BRCC3: variants seen among roughly 807,000 people sequenced by gnomAD.
The protein encoded by BRCC3 is lys-63-specific deubiquitinase BRCC36.
Under a neutral mutation model 28.0 loss-of-function variants are expected in BRCC3, and 15 were observed. The ratio of observed to expected loss-of-function variants is 0.54; its 90% CI spans 0.36 to 0.82. The LOEUF is 0.82. Ranked by LOEUF, BRCC3 falls within the 40% of genes least tolerant of loss-of-function variation. The pLI is 0.01. For missense variants in BRCC3, 109 were observed against 225.9 expected (o/e 0.48, Z 3.32); for synonymous variants, 66 against 80.3 (o/e 0.82, Z 0.95).
intron 7 of BRCC3, among the ~76,000 whole-genome samples, chrX:155,101,780 C>G (rs1003210805): frequency 4.5e-5 from 5 of 111,796 alleles, no homozygotes; most frequent in Non-Finnish European, 9.4e-5. Flanking sequence ...CATTATTTCT[C>G]CAAGGAGCCT....
intron 7 of BRCC3, among the ~76,000 whole-genome samples, chrX:155,104,548 A>C (rs1263313245): frequency 3.6e-5 from 4 of 112,137 alleles, no homozygotes; most frequent in Non-Finnish European, 7.5e-5. Context: ...AGTTCACTGG[A>C]GGGTCTGGAC....
intron 7 of BRCC3, among the ~76,000 whole-genome samples, chrX:155,100,128 G>C (rs2074237886): frequency 9.0e-6 from 1 of 110,983 alleles, no homozygotes; most frequent in Non-Finnish European, 1.9e-5. Context: ...TTGGTATTTT[G>C]TCACATTTCT....
intron 3 of BRCC3, among the ~76,000 whole-genome samples, 158 bp from the exon 4 acceptor site, chrX:155,077,012 T>C (rs2074049769): frequency 8.9e-6 from 1 of 112,373 alleles, no homozygotes; most frequent in Admixed American, 9.4e-5. Context: ...AGGTTGGGTG[T>C]CTTTTATTTG....
chrX:155,094,830 G>A (rs2074199398), intron 7 of BRCC3, among the ~76,000 whole-genome samples: 1 of 112,001 alleles, frequency 8.9e-6, no homozygotes, highest in African/African-American at 3.3e-5. Flanking sequence ...AAGACCCAGC[G>A]TGTCAACATA....
chrX:155,115,982 C>T, intron 7 of BRCC3, 75 bp from the exon 8 acceptor site: 2 of 1,027,306 alleles, frequency 1.9e-6, no homozygotes, highest in Non-Finnish European at 1.3e-6. Flanking sequence ...CCCAAACTTC[C>T]AATTAAAACT....
intron 5 of BRCC3, among the ~76,000 whole-genome samples, chrX:155,084,463 C>T (rs868938883): frequency 9.0e-6 from 1 of 111,251 alleles, no homozygotes. Flanking sequence ...CCCAGGTTCG[C>T]GCCATTCTCC....
chrX:155,075,291 C>CT (rs1557293383), intron 3 of BRCC3, among the ~76,000 whole-genome samples: 56 of 105,280 alleles, frequency 5.3e-4, no homozygotes, highest in African/African-American at 1.9e-3. Flanking sequence ...CCCACTCTTT[C>CT]CCCTGGCCCT....
intron 7 of BRCC3, among the ~76,000 whole-genome samples, chrX:155,104,283 A>T (rs919824567): frequency 3.6e-5 from 4 of 111,610 alleles, no homozygotes; most frequent in Non-Finnish European, 7.5e-5. Context: ...GGTACTAGAT[A>T]TATTTGTATT....
Position 155,071,664 on chromosome X carries a change from T to G in BRCC3, c.123+14T>G. ...TGCATAGGGGAGGTGAGTAGGTCTG[T>G]TAGCCTGGATGGAACCCTGCTGAGC... On this transcript the variant is annotated intron_variant, in intron 1 of 10. Coordinates refer to ENST00000330045, the MANE Select transcript of BRCC3 (RefSeq NM_001018055.3). The G allele has an allele frequency of 8.3e-7, 1 of 1,201,410 alleles. No individual in the cohort carries two copies. Among genetic ancestry groups the G allele is most frequent in the Non-Finnish European group, 1.1e-6 (1 of 889,946 alleles).
At chrX:155,085,370 T>C (rs782596370) in intron 5 of BRCC3, among the ~76,000 whole-genome samples, 6 of 112,705 alleles carry the variant, frequency 5.3e-5, no homozygotes, top group Admixed American at 2.8e-4. Flanking sequence ...ACCTGTGTAA[T>C]TGCCCACAAA....
At chrX:155,086,792 T>C (rs2074133432) in intron 5 of BRCC3, among the ~76,000 whole-genome samples, 1 of 112,068 alleles carries the variant, frequency 8.9e-6, no homozygotes, top group Admixed American at 9.4e-5. Context: ...CCACTTTATA[T>C]AGCTGATCGT....
intron 7 of BRCC3, among the ~76,000 whole-genome samples, chrX:155,109,941 C>A (rs781791766): frequency 1.8e-5 from 2 of 111,362 alleles, no homozygotes; most frequent in African/African-American, 6.5e-5. Context: ...TTCTAAGCCT[C>A]TTTTTTATGA....
At chrX:155,120,290 C>G (rs2074381612) in intron 10 of BRCC3, 122 bp downstream of exon 10, 1 of 535,563 alleles carries the variant, frequency 1.9e-6, no homozygotes, top group African/African-American at 2.3e-5. Context: ...GTCTTCCTGA[C>G]AGTTTAATTA....
At chrX:155,090,974 C>T (rs1257025585) in intron 7 of BRCC3, 135 bp downstream of exon 7, 1 of 502,260 alleles carries the variant, frequency 2.0e-6, no homozygotes, top group Non-Finnish European at 3.4e-6. Context: ...TCATTTACAG[C>T]TCTACGATGA....
At chrX:155,075,336 C>T (rs2074029809) in intron 3 of BRCC3, among the ~76,000 whole-genome samples, 1 of 53,308 alleles carries the variant, frequency 1.9e-5, no homozygotes, top group Non-Finnish European at 2.8e-5. Flanking sequence ...TGGCCACTCC[C>T]CTTGATTCAG....
intron 8 of BRCC3, 142 bp downstream of exon 8, chrX:155,116,330 A>G (rs2074355845): frequency 1.9e-6 from 1 of 522,171 alleles, no homozygotes; most frequent in Non-Finnish European, 3.0e-6. Flanking sequence ...GTCTCCAATC[A>G]TAATGTTTCT....
At chrX:155,103,431 T>C (rs1202156757) in intron 7 of BRCC3, among the ~76,000 whole-genome samples, 1 of 112,032 alleles carries the variant, frequency 8.9e-6, no homozygotes, top group Non-Finnish European at 1.9e-5. Context: ...TTGAAAGATA[T>C]TTTCGATGGG....
chrX:155,117,264 G>A (rs1557298946), intron 9 of BRCC3, among the ~76,000 whole-genome samples: 1 of 112,179 alleles, frequency 8.9e-6, no homozygotes, highest in Non-Finnish European at 1.9e-5. Context: ...CAGATAGAGA[G>A]ATAAAAGGGA....
At chrX:155,093,400 C>T (rs1301119393) in intron 7 of BRCC3, among the ~76,000 whole-genome samples, 2 of 109,743 alleles carry the variant, frequency 1.8e-5, no homozygotes, top group East Asian at 5.9e-4. Context: ...TCCCCATGTT[C>T]ACTCTAAGAT....
Sources: allele counts gnomAD v4.1 joint callset (sites outside exome capture counted in the v4.1 genomes callset), GRCh38; gene constraint gnomAD v4.1.1; transcripts MANE v1.5; gene names NCBI Gene and HGNC (gene_info 2026-07-23, HGNC 2026-07-21).